DENND4A: variants seen among roughly 807,000 people sequenced by gnomAD.
DENND4A encodes C-myc promoter-binding protein.
DENND4A carries 70 observed loss-of-function variants against 199.3 expected under a neutral mutation model. That is an observed-to-expected ratio of 0.35 (90% CI 0.29 to 0.43). The LOEUF is 0.43. Ranked by LOEUF, DENND4A falls within the 20% of genes least tolerant of loss-of-function variation. The pLI is 1.00. For synonymous variants in DENND4A, 686 were observed against 766.9 expected (o/e 0.89, Z 1.74); for missense variants, 1,723 against 2,255.8 (o/e 0.76, Z 4.78).
intron 32 of DENND4A, among the ~76,000 whole-genome samples, chr15:65,663,198 ATTT>A (rs139708249): frequency 1.8e-5 from 2 of 112,348 alleles, no homozygotes; most frequent in Non-Finnish European, 3.4e-5. Flanking sequence ...ATATATATAT[ATTT>A]TTTTTTTTTT....
At chr15:65,715,450 A>G (rs1327592433) in intron 14 of DENND4A, 28 bp downstream of exon 14, 12 of 1,574,290 alleles carry the variant, frequency 7.6e-6, no homozygotes, top group Admixed American at 2.0e-5. Flanking sequence ...AAAATAAGTT[A>G]GGGCATTGTA....
intron 29 of DENND4A, 105 bp from the exon 30 acceptor site, chr15:65,665,567 C>A: frequency 6.3e-6 from 5 of 794,900 alleles, no homozygotes; most frequent in Non-Finnish European, 7.4e-6. Context: ...ATGTGCGAGA[C>A]AGAAAAGAGA....
intron 23 of DENND4A, among the ~76,000 whole-genome samples, chr15:65,686,085 T>C (rs1157372747): frequency 6.6e-6 from 1 of 152,180 alleles, no homozygotes; most frequent in Non-Finnish European, 1.5e-5. Context: ...ATAGGTGCAA[T>C]TTTGATATAC....
At chr15:65,788,666 T>C (rs1029315016) in intron 1 of DENND4A, among the ~76,000 whole-genome samples, 2 of 152,008 alleles carry the variant, frequency 1.3e-5, no homozygotes, top group East Asian at 1.9e-4. Context: ...AAGACCAGGC[T>C]GGGCAACATG....
intron 4 of DENND4A, among the ~76,000 whole-genome samples, chr15:65,743,621 T>C (rs2076313711): frequency 2.0e-5 from 3 of 152,238 alleles, no homozygotes; most frequent in Non-Finnish European, 4.4e-5. Flanking sequence ...AAATTTATTA[T>C]CATCTATTTT....
rs1018664305 is a variant in DENND4A, at chr15:65,660,145, A to G, written c.*1706T>C. ...ACATGAAGCTTGGATCTGAATAGTA[A>G]AGAATAATATTGGAGTGGTATTTAC... is the stretch of plus-strand genomic sequence containing the variant. On this transcript the variant is annotated 3_prime_UTR_variant, in exon 33 of 33. Coordinates refer to ENST00000443035, the MANE Select transcript of DENND4A (RefSeq NM_001320835.1). The G allele has an allele frequency of 6.5e-6, 4 of 617,850 alleles. No homozygotes were observed. The highest frequency in any genetic ancestry group is 5.5e-5 in the Admixed American group (2 of 36,516). The allele number at this position is 617,850 out of a possible 1,614,324, so 38.3% of individuals were successfully genotyped here.
intron 30 of DENND4A, chr15:65,665,078 A>G (rs1053622543): frequency 4.4e-6 from 2 of 456,536 alleles, no homozygotes; most frequent in Non-Finnish European, 7.6e-6. Context: ...GCAAAACACA[A>G]CCAACCCCTC....
In DENND4A at chr15:65,738,718, G is replaced by A. The variant is rs761289175; in HGVS notation, c.789C>T (p.Ala263=). The A allele has an allele frequency of 6.2e-6, 10 of 1,608,480 alleles. No homozygotes were observed. Among genetic ancestry groups the A allele is most frequent in the Non-Finnish European group, 8.5e-6 (10 of 1,178,006 alleles). The part of the protein sequence containing the change: ...PVFSTFVLTG[A]SAEKVYGAAI... Reference sequence around the variant, plus strand: ...AAACACATAATACCTTTTCAGCTGAGGCTCCAGTTAAAACAAAAGTAGAAA... The same window carrying A: ...AAACACATAATACCTTTTCAGCTGAAGCTCCAGTTAAAACAAAAGTAGAAA... The change falls in exon 6 of 33, where the codon GCC becomes GCT. Residue 263 remains alanine, a synonymous_variant. Coordinates refer to ENST00000443035, the MANE Select transcript of DENND4A (RefSeq NM_001320835.1).
chr15:65,781,633 T>C (rs1409073514), intron 1 of DENND4A, among the ~76,000 whole-genome samples: 2 of 152,220 alleles, frequency 1.3e-5, no homozygotes, highest in Non-Finnish European at 2.9e-5. Flanking sequence ...TAGTCCATGA[T>C]GTCTTTGAAA....
intron 13 of DENND4A, among the ~76,000 whole-genome samples, chr15:65,716,707 C>A (rs796579260): frequency 3.7e-4 from 56 of 151,738 alleles, no homozygotes; most frequent in Non-Finnish European, 5.9e-5. Context: ...AATAAACATA[C>A]GTGTGCATGT....
At chr15:65,709,433 C>T (rs937295796) in intron 14 of DENND4A, among the ~76,000 whole-genome samples, 9 of 152,004 alleles carry the variant, frequency 5.9e-5, no homozygotes, top group Non-Finnish European at 1.0e-4. Flanking sequence ...GAGCCGGGCA[C>T]GGCGGCTCAT....
intron 22 of DENND4A, among the ~76,000 whole-genome samples, chr15:65,692,088 C>CA (rs2076992647): frequency 6.6e-6 from 1 of 150,796 alleles, no homozygotes; most frequent in Admixed American, 6.6e-5. Flanking sequence ...TAGGCTTGAG[C>CA]CACCATGCCC....
rs866142903 is a variant in DENND4A, at chr15:65,661,876, T to C, written c.5699A>G (p.Lys1900Arg). Residue 1900 changes from lysine (K) to arginine (R), a missense_variant, in exon 33 of 33, where the codon AAA becomes AGA. Around this residue, in one of 6 missense-constraint regions of DENND4A, gnomAD observed 164 missense variants for 280.1 expected, o/e 0.59. Transcript: ENST00000443035. ...PPSTGVMECR[K>R]TFGEPYL The stretch of plus-strand genomic sequence containing the variant: ...TTAAAGATAAGGTTCTCCAAAGGTT[T>C]TTCGACATTCCATCACCCCTGTACT... The C allele has an allele frequency of 7.4e-6, 12 of 1,610,856 alleles. No homozygotes were observed. Among genetic ancestry groups the C allele is most frequent in the Non-Finnish European group, 1.0e-5 (12 of 1,178,420 alleles).
intron 1 of DENND4A, among the ~76,000 whole-genome samples, chr15:65,777,459 T>G (rs2077312989): frequency 6.6e-6 from 1 of 151,848 alleles, no homozygotes; most frequent in East Asian, 1.9e-4. Flanking sequence ...TTCAAGCGAT[T>G]CTCCAGCCTC....
At chr15:65,711,398 G>C (rs2075245495) in intron 14 of DENND4A, among the ~76,000 whole-genome samples, 1 of 152,140 alleles carries the variant, frequency 6.6e-6, no homozygotes, top group Non-Finnish European at 1.5e-5. Context: ...GGAGACTGAG[G>C]TGAGAAATCA....
At chr15:65,691,700 T>A (rs1029730486) in intron 22 of DENND4A, among the ~76,000 whole-genome samples, 189 bp from the exon 23 acceptor site, 6 of 151,940 alleles carry the variant, frequency 3.9e-5, no homozygotes, top group Non-Finnish European at 7.4e-5. Context: ...TCCTTATGGG[T>A]TGAGAAAAAA....
chr15:65,728,873 C>A, intron 11 of DENND4A, 199 bp downstream of exon 11: 2 of 621,872 alleles, frequency 3.2e-6, no homozygotes, highest in South Asian at 1.7e-5. Context: ...ATAGTCCTTC[C>A]AACAAAACCT....
chr15:65,755,773 GA>G (rs1398070583), intron 3 of DENND4A, among the ~76,000 whole-genome samples: 2 of 151,892 alleles, frequency 1.3e-5, no homozygotes, highest in Non-Finnish European at 2.9e-5. Context: ...CCTTTAAAAA[GA>G]AAAAAATCCA....
At position 65,690,909 on chromosome 15, in the gene DENND4A, C is replaced by T. The variant is rs1465989434; in HGVS notation, c.3685G>A (p.Glu1229Lys). Reference sequence around the variant, plus strand: ...TTGCTATCATCTTCATCCTCCTCCTCTTCTTCTTTTTGCTGCTGTTCAGTC... The same window carrying T: ...TTGCTATCATCTTCATCCTCCTCCTTTTCTTCTTTTTGCTGCTGTTCAGTC... ...AETEQQQKEEEEEDEDDSKSI... is the reference protein window; with the variant it reads ...AETEQQQKEEKEEDEDDSKSI... Residue 1229 changes from glutamate to lysine, a missense_variant, in exon 23 of 33, where the codon GAG becomes AAG. By Grantham distance (56) the Glu-to-Lys change is moderately conservative. Around this residue, in one of 6 missense-constraint regions of DENND4A, gnomAD observed 650 missense variants for 738.1 expected, o/e 0.88. Transcript: ENST00000443035. The T allele has an allele frequency of 6.2e-7, 1 of 1,607,828 alleles. No individual in the cohort carries two copies. The highest frequency in any genetic ancestry group is 8.5e-7 in the Non-Finnish European group (1 of 1,176,980).
Sources: allele counts gnomAD v4.1 joint callset (sites outside exome capture counted in the v4.1 genomes callset), GRCh38; gene constraint gnomAD v4.1.1; regional missense constraint gnomAD v4.1.1; transcripts MANE v1.5; gene names NCBI Gene and HGNC (gene_info 2026-07-23, HGNC 2026-07-21).